The following GALNT17 variants were observed in gnomAD, a reference collection of about 807,000 sequenced individuals.
GALNT17 encodes polypeptide N-acetylgalactosaminyltransferase 17, also known as UDP-GalNAc:polypeptide N-acetylgalactosaminyltransferase-like 3.
In GALNT17, 29 loss-of-function variants were observed where a neutral mutation model predicts 63.7. The observed-to-expected ratio is 0.46, with a 90% CI of 0.34 to 0.62. The LOEUF (loss-of-function observed/expected upper bound fraction) is 0.62, where lower values mean the gene tolerates loss of function less well. Ranked by LOEUF, GALNT17 falls within the 20% of genes least tolerant of loss-of-function variation. The pLI is 0.01. For missense variants in GALNT17, 603 were observed against 799.6 expected (o/e 0.75, Z 2.97); for synonymous variants, 305 against 318.3 (o/e 0.96, Z 0.45).
chr7:71,575,447 T>C (rs184753279), intron 6 of GALNT17, among the ~76,000 whole-genome samples: 14 of 151,672 alleles, frequency 9.2e-5, no homozygotes, highest in African/African-American at 3.4e-4. Flanking sequence ...TGGAATGCAG[T>C]GACGCGATCT....
chr7:71,493,913 A>G (rs1788051597), intron 5 of GALNT17, among the ~76,000 whole-genome samples: 1 of 152,092 alleles, frequency 6.6e-6, no homozygotes, highest in Admixed American at 6.6e-5. Context: ...GATGGGATTG[A>G]TAGATGTTTC....
intron 5 of GALNT17, among the ~76,000 whole-genome samples, chr7:71,547,796 G>A (rs901596387): frequency 5.9e-5 from 9 of 152,192 alleles, no homozygotes; most frequent in Non-Finnish European, 8.8e-5. Flanking sequence ...TTAGCCATAT[G>A]TAATAGGGAT....
At chr7:71,572,523 A>AAAC (rs1554310764) in intron 6 of GALNT17, among the ~76,000 whole-genome samples, 1 of 149,930 alleles carries the variant, frequency 6.7e-6, no homozygotes, top group South Asian at 2.1e-4. Flanking sequence ...AAAAAAAAAA[A>AAAC]AAAAAAACTA....
chr7:71,133,233 C>T (rs1218713297), intron 1 of GALNT17, among the ~76,000 whole-genome samples, 193 bp downstream of exon 1: 1 of 152,170 alleles, frequency 6.6e-6, no homozygotes, highest in Non-Finnish European at 1.5e-5. Flanking sequence ...TTGCCTGATT[C>T]TTTTCTGTGC....
rs759441715 is a variant in GALNT17 at position 71,193,622 on chromosome 7, A to G, written c.238+60582A>G. On this transcript the variant is annotated intron_variant, in intron 1 of 10. Transcript: ENST00000333538. ...AAAGCTGGGCCCCATTTATCACAAC[A>G]CCCGGCCAACTCCTTCCTGCCATAT... Among the ~76,000 whole-genome samples, 147 of 151,192 alleles carry G rather than the reference A, an allele frequency of 9.7e-4. 2 individuals carry two copies. Among genetic ancestry groups the G allele is most frequent in the Non-Finnish European group, 1.9e-4 (13 of 67,788 alleles).
rs115545602 is a variant in GALNT17, at chr7:71,424,266, C to A, written c.962+3161C>A. Among the ~76,000 whole-genome samples, 386 of 152,322 alleles carry A rather than the reference C, an allele frequency of 2.5e-3. 4 individuals carry two copies. The highest frequency in any genetic ancestry group is 9.1e-3 in the African/African-American group (378 of 41,588). On this transcript the variant is annotated intron_variant, in intron 5 of 10. Coordinates refer to ENST00000333538, the MANE Select transcript of GALNT17 (RefSeq NM_022479.3). ...GGATGAAACTCAAATGATGGACTGACAGACAGTGAGTTTCATGTGTTGGCT... is the reference window on the plus strand; with the variant it reads ...GGATGAAACTCAAATGATGGACTGAAAGACAGTGAGTTTCATGTGTTGGCT...
At chr7:71,669,154 G>C (rs1783514129) in intron 7 of GALNT17, among the ~76,000 whole-genome samples, 1 of 152,106 alleles carries the variant, frequency 6.6e-6, no homozygotes, top group African/African-American at 2.4e-5. Context: ...ATTGCTGTAG[G>C]TTCCTGATTT....
intron 1 of GALNT17, among the ~76,000 whole-genome samples, chr7:71,218,083 T>C (rs554068240): frequency 7.9e-5 from 12 of 152,196 alleles, no homozygotes; most frequent in East Asian, 7.8e-4. Flanking sequence ...AAAATAAATG[T>C]ATAAGTTTTA....
At chr7:71,652,926 G>A (rs906879536) in intron 6 of GALNT17, among the ~76,000 whole-genome samples, 5 of 152,152 alleles carry the variant, frequency 3.3e-5, no homozygotes, top group Admixed American at 2.6e-4. Flanking sequence ...ATTGCAGGGC[G>A]CCCAGCAAGG....
intron 6 of GALNT17, among the ~76,000 whole-genome samples, chr7:71,623,142 G>A (rs951117731): frequency 2.6e-5 from 4 of 152,038 alleles, no homozygotes; most frequent in African/African-American, 9.7e-5. Context: ...CTCTGTTTGC[G>A]TAGCAGTGAA....
intron 6 of GALNT17, among the ~76,000 whole-genome samples, chr7:71,657,880 GGATGGATGGATGGATGGATGGA>G: frequency 4.4e-5 from 1 of 22,900 alleles, no homozygotes; most frequent in Admixed American, 6.5e-4. Context: ...ATGGATGGAT[GGATGGATGGATGGATGGATGGA>G]TGGGTGGATG....
At chr7:71,331,738 A>G (rs192641494) in intron 1 of GALNT17, among the ~76,000 whole-genome samples, 65 of 152,130 alleles carry the variant, frequency 4.3e-4, no homozygotes, top group Non-Finnish European at 7.4e-4. Context: ...CTACGTTCCT[A>G]CATTCTCAGA....
intron 6 of GALNT17, among the ~76,000 whole-genome samples, chr7:71,576,935 C>T (rs1009577529): frequency 6.6e-6 from 1 of 152,120 alleles, no homozygotes; most frequent in African/African-American, 2.4e-5. Flanking sequence ...CAGTGCTATT[C>T]GCAATGGCAA....
chr7:71,377,105 AATAAAAAAAATATATAT>A lies in GALNT17; in HGVS notation c.423-11126_423-11110del, dbSNP rs1352438446. ...CATCTCAAAAAAAAAAAAAAATAAAAATAAAAAAAATATATATATATATATATATATATATAAAATCT... is the reference window on the plus strand; with the variant it reads ...CATCTCAAAAAAAAAAAAAAATAAAAATATATATATATATATATAAAATCT... On this transcript the variant is annotated intron_variant, in intron 2 of 10. Coordinates refer to ENST00000333538, the MANE Select transcript of GALNT17 (RefSeq NM_022479.3). 7.5e-3 allele frequency among the ~76,000 whole-genome samples: 486 copies of A among 64,676 alleles called. 22 individuals carry two copies. Among genetic ancestry groups the A allele is most frequent in the African/African-American group, 0.013 (161 of 12,344 alleles). 42.4% of individuals were successfully genotyped at this position (64,676 alleles called of 152,430 possible).
rs1014877713 is a variant in GALNT17 at position 71,528,857 on chromosome 7, G to A, written c.963-42428G>A. On this transcript the variant is annotated intron_variant, in intron 5 of 10. Coordinates refer to ENST00000333538, the MANE Select transcript of GALNT17 (RefSeq NM_022479.3). ...TGGTTAAAAAAAACAAAAGTTGACCGGGTGTGGTGGCTCATACCTGTAATC... is the reference window on the plus strand; with the variant it reads ...TGGTTAAAAAAAACAAAAGTTGACCAGGTGTGGTGGCTCATACCTGTAATC... 1.2e-3 allele frequency among the ~76,000 whole-genome samples: 178 copies of A among 152,136 alleles called. 1 individual carries two copies. Among genetic ancestry groups the A allele is most frequent in the East Asian group, 5.8e-4 (3 of 5,184 alleles).
At chr7:71,392,265 G>A (rs574897463) in intron 3 of GALNT17, among the ~76,000 whole-genome samples, 2 of 152,166 alleles carry the variant, frequency 1.3e-5, no homozygotes, top group East Asian at 3.9e-4. Context: ...AGGGGACTGG[G>A]GAAGTAAGAA....
intron 6 of GALNT17, among the ~76,000 whole-genome samples, chr7:71,623,666 C>T (rs150331817): frequency 5.3e-5 from 8 of 152,020 alleles, no homozygotes; most frequent in African/African-American, 1.4e-4. Context: ...AAACTCCTGA[C>T]CTCAAGTGAT....
At chr7:71,564,909 G>A (rs1268515886) in intron 5 of GALNT17, among the ~76,000 whole-genome samples, 2 of 152,130 alleles carry the variant, frequency 1.3e-5, no homozygotes, top group East Asian at 1.9e-4. Context: ...GTCATGCTGC[G>A]AAGCTTTCTC....
At chr7:71,595,416 A>T (rs924577935) in intron 6 of GALNT17, among the ~76,000 whole-genome samples, 1 of 151,142 alleles carries the variant, frequency 6.6e-6, no homozygotes. Context: ...GGTAAGACAG[A>T]GGGAGACTCT....
Sources: allele counts gnomAD v4.1 joint callset (sites outside exome capture counted in the v4.1 genomes callset), GRCh38; gene constraint gnomAD v4.1.1; transcripts MANE v1.5; gene names NCBI Gene and HGNC (gene_info 2026-07-23, HGNC 2026-07-21).